Variants in ZNF311 observed in about 807,000 individuals in gnomAD.
The protein encoded by ZNF311 is zinc finger protein 311.
In ZNF311, 14 loss-of-function variants were observed where a neutral mutation model predicts 22.7. The ratio of observed to expected loss-of-function variants is 0.62; its 90% CI spans 0.41 to 0.96. ZNF311 has a LOEUF of 0.96. Ranked by LOEUF, ZNF311 falls within the 40% of genes least tolerant of loss-of-function variation. ZNF311 has a pLI of 0.00. For synonymous variants in ZNF311, 250 were observed against 275.3 expected (o/e 0.91, Z 0.91); for missense variants, 731 against 799.0 (o/e 0.91, Z 1.03).
Position 28,995,852 on chromosome 6 carries a change from C to A in ZNF311, c.1150G>T (p.Glu384Ter). 1 of 1,614,064 alleles carries A rather than the reference C, an allele frequency of 6.2e-7. No individual in the cohort carries two copies. Among genetic ancestry groups the A allele is most frequent in the East Asian group, 2.2e-5 (1 of 44,892 alleles). The change falls in exon 7 of 7, where the codon GAG (glutamate) becomes TAG (stop). Residue 384 changes from glutamate to a stop codon, truncating the protein, a stop_gained. Coordinates refer to ENST00000377179, the MANE Select transcript of ZNF311 (RefSeq NM_001382360.1). LOFTEE classifies it low-confidence loss of function (END_TRUNC). This position sits in a 1 kb window ranked among gnomAD's most constrained non-coding sequence, Gnocchi z 4.7. ...CACTCCTCACATTCATATGGCTTCT[C>A]CCCAGTGTGGATTCTGCCATGGATG... Reference protein sequence around the residue: ...LTIHGRIHTGEKPYECEECGK... With the variant: ...LTIHGRIHTG
chr6:29,003,403 T>G, intron 3 of ZNF311, 110 bp downstream of exon 3: 1 of 887,886 alleles, frequency 1.1e-6, no homozygotes. Context: ...CTATAAATGC[T>G]CATTAATGAA....
At chr6:28,998,869 GTAACTTA>G (rs1562332741) in intron 5 of ZNF311, 31 bp from the exon 6 acceptor site, 3 of 1,497,434 alleles carry the variant, frequency 2.0e-6, no homozygotes, top group Non-Finnish European at 2.8e-6. Flanking sequence ...AGTGTGTAGA[GTAACTTA>G]TAACTTAATA....
chr6:28,999,789 T>C (rs1467715229), intron 4 of ZNF311, 167 bp downstream of exon 4: 4 of 1,248,396 alleles, frequency 3.2e-6, no homozygotes, highest in African/African-American at 3.0e-5. Context: ...CAAAAAATAA[T>C]GAAAGAGAAA....
In ZNF311 at chr6:29,003,454, G is replaced by C. The variant is rs1581702117; in HGVS notation, c.91+59C>G. ...CAGTGTGGCATTTTCCACCCACTCT[G>C]TGTCCTTACTACATTCTCAGCTGCC... On this transcript the variant is annotated intron_variant, in intron 3 of 6. Transcript: ENST00000377179. 2.6e-6 allele frequency: 4 copies of C among 1,533,836 alleles called. No homozygotes were observed. In the East Asian group the frequency reaches 6.7e-5, roughly 26 times the overall value.
Position 28,996,090 on chromosome 6 carries a change from AT to A in ZNF311, c.911del (p.Asn304IlefsTer103), listed in dbSNP as rs778940570. On this transcript the variant is annotated frameshift_variant, in exon 7 of 7. Transcript: ENST00000377179. LOFTEE classifies it low-confidence loss of function (END_TRUNC). Reference protein sequence around the residue: ...RIIHTGEKPFNCTQCGKAFNS... With the variant: ...RIIHTGEKPFXCTQCGKAFNS... ...TGAAAGCCTTCCCACACTGGGTGCA[AT>A]TAAAAGGTTTCTCCCCTGTGTGGAT... The A allele has an allele frequency of 1.2e-6, 2 of 1,613,144 alleles. No individual in the cohort carries two copies. The highest frequency in any genetic ancestry group is 2.2e-5 in the South Asian group (2 of 91,070).
In ZNF311 at chr6:29,003,939, T is replaced by C; in HGVS notation, c.9+7A>G. ...TTGTGATGTATCACAGACCCTCCTC[T>C]TCTTACCTCCTGCATCTTTTTACTC... On this transcript the variant is annotated splice_region_variant and intron_variant, in intron 2 of 6. Transcript: ENST00000377179. 1 of 1,612,890 alleles carries C rather than the reference T, an allele frequency of 6.2e-7. No homozygotes were observed.
At chr6:29,002,283 C>T (rs930222563) in intron 3 of ZNF311, among the ~76,000 whole-genome samples, 7 of 152,114 alleles carry the variant, frequency 4.6e-5, no homozygotes, top group East Asian at 1.9e-4. Context: ...GCAGATTTCA[C>T]GACCATTTGA....
chr6:28,995,447 T>C lies in ZNF311; in HGVS notation c.1555A>G (p.Arg519Gly). The change falls in exon 7 of 7, where the codon AGA becomes GGA. Residue 519 changes from arginine to glycine, a missense_variant. Arg to Gly is a moderately radical substitution (Grantham distance 125, BLOSUM62 -2). Coordinates refer to ENST00000377179, the MANE Select transcript of ZNF311 (RefSeq NM_001382360.1). The surrounding 1 kb of genome is among the most constrained non-coding windows in gnomAD (Gnocchi z 4.7). ...TAAGGTTTCTCTCCAGTGTGGATTC[T>C]CTGATGGATGGTAAGGCAGTGCTTA... ...QDKHCLTIHQ[R>G]IHTGEKPYKC... is the part of the protein sequence containing the mutation. 1 of 1,613,282 alleles carries C rather than the reference T, an allele frequency of 6.2e-7. No homozygotes were observed. The highest frequency in any genetic ancestry group is 8.5e-7 in the Non-Finnish European group (1 of 1,179,606).
At chr6:29,004,697 A>G (rs1239926769) in intron 1 of ZNF311, among the ~76,000 whole-genome samples, 1 of 152,146 alleles carries the variant, frequency 6.6e-6, no homozygotes, top group East Asian at 1.9e-4. Flanking sequence ...CGTGACTTCT[A>G]ACTTCCTCTC....
intron 3 of ZNF311, among the ~76,000 whole-genome samples, chr6:29,001,636 A>C (rs191113501): frequency 2.4e-4 from 37 of 152,354 alleles, no homozygotes; most frequent in African/African-American, 8.7e-4. Context: ...GTTTTCAACC[A>C]TTATTTTATT....
rs762778367 is a variant in ZNF311, at chr6:28,996,399, C to T, written c.603G>A (p.Glu201=). ...AGCCTTCTTTCTCTTCTCTCAGTTT[C>T]TCCCTTATAGATGTTTCCCATTGAT... ...LENQWETSIR[E]KLREEKEGSE... The change falls in exon 7 of 7, where the codon GAG becomes GAA. Residue 201 remains glutamate (E), a synonymous_variant. Transcript: ENST00000377179. The T allele has an allele frequency of 5.6e-6, 9 of 1,611,222 alleles. No individual in the cohort carries two copies. The East Asian group carries it at 1.8e-4, about 32-fold the overall frequency.
chr6:29,004,498 C>T (rs1209786344), intron 1 of ZNF311, among the ~76,000 whole-genome samples: 1 of 38,532 alleles, frequency 2.6e-5, no homozygotes, highest in Middle Eastern at 0.015. Flanking sequence ...GTGGCCCAGG[C>T]GGGAGTGCAG....
At chr6:28,996,729 G>T in intron 6 of ZNF311, 143 bp from the exon 7 acceptor site, 1 of 855,484 alleles carries the variant, frequency 1.2e-6, no homozygotes, top group Non-Finnish European at 1.7e-6. Context: ...AGAACAGGCT[G>T]AAATAATGAA....
rs899740594 is a variant in ZNF311 at position 29,004,132 on chromosome 6, G to A, written c.-178C>T. Reference sequence around the variant, plus strand: ...CTTCTTGACCCACAGTGCCGCTACTGTTTGGCTTAATGTGTCAAACACTGC... The same window carrying A: ...CTTCTTGACCCACAGTGCCGCTACTATTTGGCTTAATGTGTCAAACACTGC... On this transcript the variant is annotated 5_prime_UTR_variant, in exon 2 of 7. Coordinates refer to ENST00000377179, the MANE Select transcript of ZNF311 (RefSeq NM_001382360.1). The A allele has an allele frequency of 3.3e-6, 5 of 1,514,542 alleles. No homozygotes were observed. In the African/African-American group the frequency reaches 5.5e-5, roughly 17 times the overall value. The allele number at this position is 1,514,542 out of a possible 1,614,324, so 93.8% of individuals were successfully genotyped here. A position where few individuals can be genotyped will look rare whatever the true frequency, so the allele number is the denominator to read the frequency against.
Position 28,998,747 on chromosome 6 carries a change from G to C in ZNF311, c.402C>G (p.Ser134Arg), listed in dbSNP as rs1331674961. 1 of 1,612,092 alleles carries C rather than the reference G, an allele frequency of 6.2e-7. No homozygotes were observed. The highest frequency in any genetic ancestry group is 1.7e-5 in the Admixed American group (1 of 59,920). ...TCTATTACTCACCTGGGTAGGAGCA[G>C]CTTAGGGACTCCCTGTCCTGTGGAT... ...VQDPQDRESL[S>R]CSYPVSADKM... is the part of the protein sequence containing the mutation. The change falls in exon 6 of 7, where the codon AGC becomes AGG. Residue 134 changes from serine to arginine, a missense_variant. By Grantham distance (110) the Ser-to-Arg change is moderately radical. Transcript: ENST00000377179.
At position 28,996,283 on chromosome 6, in the gene ZNF311, A is replaced by G. The variant is rs1481996696; in HGVS notation, c.719T>C (p.Val240Ala). 1.2e-6 allele frequency: 2 copies of G among 1,612,968 alleles called. No homozygotes were observed. The highest frequency in any genetic ancestry group is 2.2e-5 in the South Asian group (2 of 91,076). The change falls in exon 7 of 7, where the codon GTT becomes GCT. Residue 240 changes from valine (V) to alanine (A), a missense_variant. Coordinates refer to ENST00000377179, the MANE Select transcript of ZNF311 (RefSeq NM_001382360.1). Reference sequence around the variant, plus strand: ...TTCATGGAGTTTCTGTGCTATAAGAACTTTATTACATTGACTATGTTTTGA... The same window carrying G: ...TTCATGGAGTTTCTGTGCTATAAGAGCTTTATTACATTGACTATGTTTTGA... The part of the protein sequence containing the change: ...PNSKHSQCNK[V>A]LIAQKLHECA...
At position 28,996,079 on chromosome 6, in the gene ZNF311, C is replaced by T; in HGVS notation, c.923G>A (p.Cys308Tyr). 6.2e-7 allele frequency: 1 copy of T among 1,613,346 alleles called. No individual in the cohort carries two copies. The highest frequency in any genetic ancestry group is 8.5e-7 in the Non-Finnish European group (1 of 1,180,032). The change falls in exon 7 of 7, where the codon TGT (cysteine) becomes TAT (tyrosine). Residue 308 changes from cysteine to tyrosine, a missense_variant. Cys to Tyr is a radical substitution (Grantham distance 194). Coordinates refer to ENST00000377179, the MANE Select transcript of ZNF311 (RefSeq NM_001382360.1). Reference protein sequence around the residue: ...TGEKPFNCTQCGKAFNSRSAL... With the variant: ...TGEKPFNCTQYGKAFNSRSAL... Reference sequence around the variant, plus strand: ...TGATCTACTGTTGAAAGCCTTCCCACACTGGGTGCAATTAAAAGGTTTCTC... The same window carrying T: ...TGATCTACTGTTGAAAGCCTTCCCATACTGGGTGCAATTAAAAGGTTTCTC...
At chr6:29,003,439 T>C in intron 3 of ZNF311, 74 bp downstream of exon 3, 1 of 1,441,012 alleles carries the variant, frequency 6.9e-7, no homozygotes, top group Non-Finnish European at 9.8e-7. Flanking sequence ...CAGTGTGGCA[T>C]TTTCCACCCA....
At chr6:28,999,922 A>G in intron 4 of ZNF311, 34 bp downstream of exon 4, 3 of 1,596,388 alleles carry the variant, frequency 1.9e-6, no homozygotes, top group Non-Finnish European at 2.6e-6. Context: ...GTAGTGATGT[A>G]TTTTCAAGGA....
Sources: allele counts gnomAD v4.1 joint callset (sites outside exome capture counted in the v4.1 genomes callset), GRCh38; gene constraint gnomAD v4.1.1; non-coding constraint Gnocchi (gnomAD v3.1); transcripts MANE v1.5; gene names NCBI Gene and HGNC (gene_info 2026-07-23, HGNC 2026-07-21).